The following RPS3 variants were observed in gnomAD, a reference collection of about 807,000 sequenced individuals.
RPS3 encodes the protein ribosomal protein S3, also known as small ribosomal subunit protein uS3.
Under a neutral mutation model 25.8 loss-of-function variants are expected in RPS3, and 2 were observed. The ratio of observed to expected loss-of-function variants is 0.08; its 90% CI spans 0.03 to 0.24. The LOEUF (loss-of-function observed/expected upper bound fraction) is 0.24, where lower values mean the gene tolerates loss of function less well. RPS3 is among the 10% of genes least tolerant of loss of function. The pLI, the probability that RPS3 is intolerant of heterozygous loss-of-function variation, is 1.00. For synonymous variants in RPS3, 114 were observed against 114.2 expected (o/e 1.00, Z 0.01); for missense variants, 107 against 307.1 (o/e 0.35, Z 4.87).
At chr11:75,405,135 T>C (rs943587462) in intron 6 of RPS3, 8 of 273,216 alleles carry the variant, frequency 2.9e-5, no homozygotes, top group African/African-American at 1.5e-4. Context: ...CCTTATTTGC[T>C]CAAAATTTTT....
At chr11:75,403,285 A>T (rs780868824) in intron 4 of RPS3, 1 of 152,272 alleles carries the variant, frequency 6.6e-6, no homozygotes, top group Non-Finnish European at 1.5e-5. Flanking sequence ...TGACTCAGCA[A>T]TCTGTCTTAA....
At chr11:75,417,430 C>CT (rs1948408624) in intron 6 of RPS3, among the ~76,000 whole-genome samples, 1 of 152,118 alleles carries the variant, frequency 6.6e-6, no homozygotes, top group African/African-American at 2.4e-5. Context: ...CCCGTCTCTA[C>CT]TAAAAATACA....
intron 6 of RPS3, among the ~76,000 whole-genome samples, chr11:75,414,647 C>T (rs1183554948): frequency 3.3e-5 from 5 of 152,094 alleles, no homozygotes; most frequent in Non-Finnish European, 5.9e-5. Context: ...AGGTTATTCT[C>T]AGGCTCTGAA....
intron 6 of RPS3, among the ~76,000 whole-genome samples, chr11:75,418,376 A>C (rs1265906545): frequency 6.6e-6 from 1 of 152,202 alleles, no homozygotes; most frequent in African/African-American, 2.4e-5. Flanking sequence ...ACATTTTTTA[A>C]CCGTATTTGG....
chr11:75,404,616 T>C lies in RPS3; in HGVS notation c.539-56T>C. On this transcript the variant is annotated intron_variant, in intron 5 of 6. Coordinates refer to ENST00000531188, the MANE Select transcript of RPS3 (RefSeq NM_001005.5). This position sits in a 1 kb window ranked among gnomAD's most constrained non-coding sequence, Gnocchi z 4.6. ...AAACTGCTTGCTCTCTTTGGTCTTG[T>C]GTGATGGGGGCCTTTGAGACCCCAG... The C allele has an allele frequency of 1.9e-6, 3 of 1,543,086 alleles. No individual in the cohort carries two copies. Among genetic ancestry groups the C allele is most frequent in the Non-Finnish European group, 2.7e-6 (3 of 1,118,784 alleles).
At chr11:75,416,817 G>A (rs1948403179) in intron 6 of RPS3, among the ~76,000 whole-genome samples, 1 of 152,214 alleles carries the variant, frequency 6.6e-6, no homozygotes, top group Admixed American at 6.5e-5. Flanking sequence ...GGGCCTGCCA[G>A]CATCAGAGCT....
chr11:75,418,671 C>T (rs780489461), intron 6 of RPS3, among the ~76,000 whole-genome samples: 19 of 152,154 alleles, frequency 1.2e-4, no homozygotes, highest in Non-Finnish European at 2.4e-4. Flanking sequence ...GAACACGTAA[C>T]GTGAGTCTCT....
rs192100922 is a variant in RPS3, at chr11:75,404,320, T to C, written c.538+113T>C. On this transcript the variant is annotated intron_variant, in intron 5 of 6. Coordinates refer to ENST00000531188, the MANE Select transcript of RPS3 (RefSeq NM_001005.5). The surrounding 1 kb of genome is among the most constrained non-coding windows in gnomAD (Gnocchi z 4.6). ...TGGAAGTAGCTGGGCATGTTCATAT[T>C]CCTTGGTGTATCGATTGCCACGTTG... 118 of 995,378 alleles carry C rather than the reference T, an allele frequency of 1.2e-4. No homozygotes were observed. The African/African-American group carries it at 1.7e-3, about 14-fold the overall frequency. The allele number at this position is 995,378 out of a possible 1,614,324, so 61.7% of individuals were successfully genotyped here.
At chr11:75,400,294 T>G (rs1201377112) in intron 1 of RPS3, 2 of 483,030 alleles carry the variant, frequency 4.1e-6, no homozygotes, top group Admixed American at 4.2e-5. Context: ...TATCTATTCC[T>G]TAACAGTGAC....
At chr11:75,415,347 TATC>T (rs1322270062) in intron 6 of RPS3, among the ~76,000 whole-genome samples, 2 of 152,224 alleles carry the variant, frequency 1.3e-5, no homozygotes, top group Non-Finnish European at 2.9e-5. Context: ...CTCTAGTGTT[TATC>T]ATCTATTCCC....
At chr11:75,415,045 C>T (rs947622911) in intron 6 of RPS3, among the ~76,000 whole-genome samples, 2 of 152,336 alleles carry the variant, frequency 1.3e-5, no homozygotes, top group Admixed American at 6.5e-5. Context: ...AGTCCACCAC[C>T]TCCAGTCAGC....
At chr11:75,409,147 A>AATTTTT (rs1203502434), downstream of RPS3, among the ~76,000 whole-genome samples, 5 of 151,568 alleles carry the variant, frequency 3.3e-5, no homozygotes, top group East Asian at 7.7e-4. Context: ...ATCTCTGACT[A>AATTTTT]ATTTTTATTT....
chr11:75,415,776 A>G (rs925145593), intron 6 of RPS3, among the ~76,000 whole-genome samples: 1 of 147,420 alleles, frequency 6.8e-6, no homozygotes, highest in Non-Finnish European at 1.5e-5. Flanking sequence ...ACTGCACTCC[A>G]GCCTGGGCGG....
chr11:75,405,152 G>T (rs775737842), intron 6 of RPS3: 2 of 243,382 alleles, frequency 8.2e-6, no homozygotes, highest in Non-Finnish European at 1.6e-5. Flanking sequence ...TTTTGGCTCA[G>T]TGCAACCTCT....
intron 6 of RPS3, among the ~76,000 whole-genome samples, chr11:75,413,197 C>T (rs541463255): frequency 1.9e-4 from 29 of 152,092 alleles, no homozygotes; most frequent in African/African-American, 6.5e-4. Context: ...TTTGCAGAGG[C>T]GCTCTCCACT....
chr11:75,416,460 ATTT>A (rs1180090052), intron 6 of RPS3, among the ~76,000 whole-genome samples: 3 of 132,814 alleles, frequency 2.3e-5, no homozygotes, highest in Non-Finnish European at 1.6e-5. Context: ...GATTATTTCT[ATTT>A]TTTTTTTTTT....
intron 6 of RPS3, among the ~76,000 whole-genome samples, chr11:75,414,160 C>T (rs1267217787): frequency 1.3e-5 from 2 of 152,188 alleles, no homozygotes; most frequent in Non-Finnish European, 2.9e-5. Flanking sequence ...AGGCCCAGCC[C>T]AGTGCCATAC....
At chr11:75,412,600 C>G (rs1948367201) in intron 6 of RPS3, among the ~76,000 whole-genome samples, 1 of 152,114 alleles carries the variant, frequency 6.6e-6, no homozygotes, top group South Asian at 2.1e-4. Context: ...ACCAGTGATC[C>G]CAAAGTAACT....
intron 6 of RPS3, among the ~76,000 whole-genome samples, chr11:75,417,311 A>G (rs1165474834): frequency 6.6e-6 from 1 of 152,144 alleles, no homozygotes; most frequent in East Asian, 1.9e-4. Context: ...CTCTTAAAAA[A>G]TTTAGGCCAG....
Sources: allele counts gnomAD v4.1 joint callset (sites outside exome capture counted in the v4.1 genomes callset), GRCh38; gene constraint gnomAD v4.1.1; non-coding constraint Gnocchi (gnomAD v3.1); transcripts MANE v1.5; gene names NCBI Gene and HGNC (gene_info 2026-07-23, HGNC 2026-07-21).